GNG12: variants seen among roughly 807,000 people sequenced by gnomAD.
GNG12 encodes G protein subunit gamma 12.
For synonymous variants in GNG12, 28 were observed against 29.7 expected (o/e 0.94, Z 0.19); for missense variants, 69 against 83.8 (o/e 0.82, Z 0.69).
intron 3 of GNG12, among the ~76,000 whole-genome samples, chr1:67,707,236 T>C (rs1646254725): frequency 6.6e-6 from 1 of 152,258 alleles, no homozygotes. Context: ...CTGATAATTC[T>C]AGAACACTTA....
At chr1:67,784,767 T>C (rs1646758365) in intron 1 of GNG12, among the ~76,000 whole-genome samples, 1 of 152,210 alleles carries the variant, frequency 6.6e-6, no homozygotes, top group South Asian at 2.1e-4. Flanking sequence ...ATAAGTATCT[T>C]TTCACTTATA....
intron 2 of GNG12, among the ~76,000 whole-genome samples, chr1:67,708,506 T>C (rs983108647): frequency 6.6e-6 from 1 of 152,234 alleles, no homozygotes. Context: ...GATTCTCCTC[T>C]CTAGCCTGAG....
chr1:67,781,331 T>A (rs1570543122), intron 1 of GNG12, among the ~76,000 whole-genome samples: 1 of 152,208 alleles, frequency 6.6e-6, no homozygotes, highest in African/African-American at 2.4e-5. Context: ...CCATATCATC[T>A]CCTTACATGA....
chr1:67,833,299 C>G (rs1647063591), intron 1 of GNG12, 45 bp downstream of exon 1: 2 of 799,316 alleles, frequency 2.5e-6, no homozygotes, highest in South Asian at 1.1e-4. Context: ...GCCCCGACCC[C>G]GCGGGGACCC....
At chr1:67,798,616 T>A (rs1443703252) in intron 1 of GNG12, among the ~76,000 whole-genome samples, 1 of 151,740 alleles carries the variant, frequency 6.6e-6, no homozygotes, top group Admixed American at 6.6e-5. Flanking sequence ...CCAGTGTGAA[T>A]ATGATGAGGA....
chr1:67,782,385 T>C (rs1186527921), intron 1 of GNG12, among the ~76,000 whole-genome samples: 1 of 152,216 alleles, frequency 6.6e-6, no homozygotes, highest in African/African-American at 2.4e-5. Context: ...CAACGGCTTC[T>C]GTCCCAGAGA....
chr1:67,822,286 A>AAGAT (rs1225230141), intron 1 of GNG12, among the ~76,000 whole-genome samples: 1 of 151,174 alleles, frequency 6.6e-6, no homozygotes, highest in Non-Finnish European at 1.5e-5. Context: ...AAGATTGGAC[A>AAGAT]CCCCTGGGCT....
chr1:67,761,166 G>A (rs1204831450), intron 2 of GNG12, among the ~76,000 whole-genome samples: 1 of 152,214 alleles, frequency 6.6e-6, no homozygotes, highest in African/African-American at 2.4e-5. Context: ...CTGACCAAGA[G>A]TCTAGTGTTC....
intron 2 of GNG12, among the ~76,000 whole-genome samples, chr1:67,749,679 T>C (rs1469837678): frequency 1.3e-5 from 2 of 152,194 alleles, no homozygotes; most frequent in African/African-American, 2.4e-5. Context: ...CTGGTTGATC[T>C]GGATGCCTCA....
intron 1 of GNG12, among the ~76,000 whole-genome samples, chr1:67,813,976 C>T (rs1646940210): frequency 6.6e-6 from 1 of 152,046 alleles, no homozygotes; most frequent in Non-Finnish European, 1.5e-5. Flanking sequence ...TTATGCCTCA[C>T]AGTAACCCCA....
chr1:67,815,164 A>C (rs559228177), intron 1 of GNG12, among the ~76,000 whole-genome samples: 1 of 152,220 alleles, frequency 6.6e-6, no homozygotes, highest in Non-Finnish European at 1.5e-5. Flanking sequence ...AAAATTTTTT[A>C]AATGGTATTT....
At chr1:67,734,865 C>CT (rs1022897033) in intron 2 of GNG12, among the ~76,000 whole-genome samples, 1 of 151,902 alleles carries the variant, frequency 6.6e-6, no homozygotes, top group African/African-American at 2.4e-5. Context: ...TTTTTATTTT[C>CT]TTTTTTGAGA....
At chr1:67,709,802 C>A (rs1646270643) in intron 2 of GNG12, among the ~76,000 whole-genome samples, 1 of 131,354 alleles carries the variant, frequency 7.6e-6, no homozygotes, top group Admixed American at 8.6e-5. Flanking sequence ...TGACTCACAG[C>A]AAGTTGCAGA....
intron 2 of GNG12, among the ~76,000 whole-genome samples, chr1:67,760,644 C>A (rs1157103821): frequency 6.6e-6 from 1 of 152,170 alleles, no homozygotes; most frequent in Non-Finnish European, 1.5e-5. Context: ...AAATACTGAA[C>A]CTTAGTGTTA....
intron 1 of GNG12, among the ~76,000 whole-genome samples, chr1:67,804,546 T>C (rs902012370): frequency 6.6e-6 from 1 of 152,166 alleles, no homozygotes; most frequent in Non-Finnish European, 1.5e-5. Flanking sequence ...GGAGTTTAGT[T>C]GTTGTCACTC....
chr1:67,833,141 G>T (rs1219250106), intron 1 of GNG12, among the ~76,000 whole-genome samples: 1 of 124,568 alleles, frequency 8.0e-6, no homozygotes, highest in Non-Finnish European at 1.7e-5. Context: ...CCCGGTCTCC[G>T]GCGCCCAGCG....
chr1:67,786,285 T>C (rs1646766966), intron 1 of GNG12, among the ~76,000 whole-genome samples: 1 of 152,222 alleles, frequency 6.6e-6, no homozygotes, highest in South Asian at 2.1e-4. Flanking sequence ...TCCCCACTGA[T>C]ATTTATGTAA....
chr1:67,805,306 T>A (rs1173073039), intron 1 of GNG12, among the ~76,000 whole-genome samples: 1 of 152,176 alleles, frequency 6.6e-6, no homozygotes, highest in African/African-American at 2.4e-5. Context: ...TTACAAGGCA[T>A]ACTAAAAGAC....
rs1409613238 is a variant in GNG12, at chr1:67,703,445, G to A, written c.*2006C>T. The A allele has an allele frequency of 2.6e-5, 4 of 152,028 alleles. No individual in the cohort carries two copies. The highest frequency in any genetic ancestry group is 9.7e-5 in the African/African-American group (4 of 41,396). 9.4% of individuals were successfully genotyped at this position (152,028 alleles called of 1,614,324 possible). On this transcript the variant is annotated 3_prime_UTR_variant, in exon 4 of 4. Transcript: ENST00000370982. ...CTACATTATAAATATTTAAAGAAAC[G>A]TTAAAAATCAGAGTGAAAATCAGAT...
Sources: allele counts gnomAD v4.1 joint callset (sites outside exome capture counted in the v4.1 genomes callset), GRCh38; gene constraint gnomAD v4.1.1; transcripts MANE v1.5; gene names NCBI Gene and HGNC (gene_info 2026-07-23, HGNC 2026-07-21).